The following TOM1L1 variants were observed in gnomAD, a reference collection of about 807,000 sequenced individuals.
TOM1L1 encodes TOM1-like protein 1.
TOM1L1 carries 64 observed loss-of-function variants against 63.4 expected under a neutral mutation model. That is an observed-to-expected ratio of 1.01 (90% CI 0.83 to 1.24). The LOEUF (loss-of-function observed/expected upper bound fraction) is 1.24, where lower values mean the gene tolerates loss of function less well. TOM1L1 is among the 50% of genes most tolerant of loss of function. The pLI, the probability that TOM1L1 is intolerant of heterozygous loss-of-function variation, is 0.00. For synonymous variants in TOM1L1, 166 were observed against 194.4 expected, an observed-to-expected ratio of 0.85 and a Z score of 1.22; for missense variants, 536 against 567.0, an observed-to-expected ratio of 0.95 and a Z score of 0.55.
intron 11 of TOM1L1, among the ~76,000 whole-genome samples, chr17:54,945,323 A>G (rs2049099788): frequency 6.6e-6 from 1 of 152,212 alleles, no homozygotes; most frequent in African/African-American, 2.4e-5. Context: ...TAACATTCAC[A>G]TATTCTGAGA....
In TOM1L1 at chr17:54,915,826, T is replaced by C; in HGVS notation, c.684T>C (p.Pro228=). Residue 228 remains proline (P), a synonymous_variant, in exon 7 of 16, where the codon CCT becomes CCC. Coordinates refer to ENST00000575882, the MANE Select transcript of TOM1L1 (RefSeq NM_005486.3). The stretch of plus-strand genomic sequence containing the variant: ...CCGCCATATTGATGGAGAATACTCC[T>C]GGGTCTGAAAACCATGAAGACATAG... ...VMSAILMENT[P]GSENHEDIEL... The C allele has an allele frequency of 6.2e-7, 1 of 1,613,974 alleles. No homozygotes were observed. Among genetic ancestry groups the C allele is most frequent in the Non-Finnish European group, 8.5e-7 (1 of 1,179,920 alleles).
rs372776781 is a variant in TOM1L1, at chr17:54,958,748, A to AAAAAAAAAAAAAAG, written c.1371-1818_1371-1817insAAAAAAAAAAAAAG. 3.7e-4 allele frequency among the ~76,000 whole-genome samples: 44 copies of AAAAAAAAAAAAAAG among 118,948 alleles called. 1 individual carries two copies. The highest frequency in any genetic ancestry group is 4.3e-3 in the Middle Eastern group (1 of 230). 78.0% of individuals were successfully genotyped at this position (118,948 alleles called of 152,430 possible). ...TCCATCTCAAAAAAAAAAAAAAAAAAGGGGTTGTTGGTAGCTAGAGGATAC... is the reference window on the plus strand; with the variant it reads ...TCCATCTCAAAAAAAAAAAAAAAAAAAAAAAAAAAAAAAGGGGGTTGTTGGTAGCTAGAGGATAC... On this transcript the variant is annotated intron_variant, in intron 14 of 15. Transcript: ENST00000575882.
chr17:54,949,563 C>A lies in TOM1L1; in HGVS notation c.1228C>A (p.Gln410Lys). The A allele has an allele frequency of 1.2e-6, 2 of 1,613,994 alleles. No individual in the cohort carries two copies. Among genetic ancestry groups the A allele is most frequent in the Non-Finnish European group, 1.7e-6 (2 of 1,179,930 alleles). Residue 410 changes from glutamine (Q) to lysine (K), a missense_variant, in exon 13 of 16, where the codon CAA becomes AAA. Coordinates refer to ENST00000575882, the MANE Select transcript of TOM1L1 (RefSeq NM_005486.3). ...AGTGTTTCTACAGCCAGTTAGTCTA[C>A]AAACCATTGCAGCAGCACCATCAAA... ...NSVFLQPVSL[Q>K]TIAAAPSNQS...
At chr17:54,911,314 C>T (rs1381498702) in intron 3 of TOM1L1, among the ~76,000 whole-genome samples, 4 of 152,062 alleles carry the variant, frequency 2.6e-5, no homozygotes, top group Admixed American at 6.6e-5. Flanking sequence ...TTCGTTGGCC[C>T]GTATAGTAGG....
At chr17:54,940,497 T>G (rs2049017900) in intron 11 of TOM1L1, among the ~76,000 whole-genome samples, 1 of 152,228 alleles carries the variant, frequency 6.6e-6, no homozygotes, top group Non-Finnish European at 1.5e-5. Flanking sequence ...ATACCACACT[T>G]ACACACAGTT....
chr17:54,937,311 TAAG>T, intron 10 of TOM1L1, 85 bp downstream of exon 10: 2 of 1,069,168 alleles, frequency 1.9e-6, no homozygotes, highest in Middle Eastern at 2.3e-4. Context: ...AAATACCACC[TAAG>T]AAGGACTGAA....
chr17:54,902,072 G>A (rs1233872165), intron 1 of TOM1L1, among the ~76,000 whole-genome samples: 1 of 152,152 alleles, frequency 6.6e-6, no homozygotes, highest in Admixed American at 6.5e-5. Flanking sequence ...GCCAAGGTGA[G>A]ACGTGGTCTC....
At chr17:54,947,340 T>C (rs2049137500) in intron 12 of TOM1L1, 28 bp downstream of exon 12, 1 of 1,609,320 alleles carries the variant, frequency 6.2e-7, no homozygotes, top group Non-Finnish European at 8.5e-7. Flanking sequence ...TTTCTAGCAG[T>C]GCATCTAGTC....
intron 14 of TOM1L1, among the ~76,000 whole-genome samples, chr17:54,959,776 CATG>C (rs2077065325): frequency 6.6e-6 from 1 of 152,018 alleles, no homozygotes; most frequent in Non-Finnish European, 1.5e-5. Flanking sequence ...TACCACCACA[CATG>C]ATAATTTTTA....
intron 3 of TOM1L1, among the ~76,000 whole-genome samples, chr17:54,906,604 G>A (rs1039411213): frequency 1.3e-5 from 2 of 152,124 alleles, no homozygotes; most frequent in African/African-American, 4.8e-5. Context: ...GGAATCCTGA[G>A]ATGCTCTCAG....
chr17:54,905,535 T>A lies in TOM1L1; in HGVS notation c.190T>A (p.Tyr64Asn). The change falls in exon 3 of 16, where the codon TAC becomes AAC. Residue 64 changes from tyrosine to asparagine, a missense_variant. Tyr to Asn is a moderately radical substitution (Grantham distance 143). Transcript: ENST00000575882. ...KALKKRISKN[Y>N]NHKEIQLTLS... Reference sequence around the variant, plus strand: ...TTTGAAGAAAAGGATTTCCAAAAACTACAATCATAAAGAAATCCAACTTAC... The same window carrying A: ...TTTGAAGAAAAGGATTTCCAAAAACAACAATCATAAAGAAATCCAACTTAC... 6.2e-7 allele frequency: 1 copy of A among 1,611,848 alleles called. No individual in the cohort carries two copies. The highest frequency in any genetic ancestry group is 8.5e-7 in the Non-Finnish European group (1 of 1,178,622).
intron 7 of TOM1L1, among the ~76,000 whole-genome samples, chr17:54,924,248 G>A (rs1308697332): frequency 1.3e-5 from 2 of 150,518 alleles, no homozygotes; most frequent in African/African-American, 4.9e-5. Context: ...GTCTTCAAAT[G>A]GCCAGCTTTT....
rs762171181 is a variant in TOM1L1, at chr17:54,915,814, G to A, written c.672G>A (p.Met224Ile). The A allele has an allele frequency of 6.2e-7, 1 of 1,613,760 alleles. No individual in the cohort carries two copies. The change falls in exon 7 of 16, where the codon ATG (methionine) becomes ATA (isoleucine). Residue 224 changes from methionine (M) to isoleucine (I), a missense_variant. By Grantham distance (10) the Met-to-Ile change is conservative (BLOSUM62 1). Transcript: ENST00000575882. Reference protein sequence around the residue: ...MNVRVMSAILMENTPGSENHE... With the variant: ...MNVRVMSAILIENTPGSENHE... ...TGCGAGTGATGTCCGCCATATTGAT[G>A]GAGAATACTCCTGGGTCTGAAAACC... is the stretch of plus-strand genomic sequence containing the variant.
In TOM1L1 at chr17:54,942,029, T is replaced by A. The variant is rs536467479; in HGVS notation, c.1130+3009T>A. Among the ~76,000 whole-genome samples the A allele has an allele frequency of 2.0e-5, 3 of 152,304 alleles. No homozygotes were observed. In the East Asian group the frequency reaches 5.8e-4, roughly 29 times the overall value. ...AATTTATTCACCATCACAGAAAAAGTGGGTGATGCAGTTTTTCATAACAGA... is the reference window on the plus strand; with the variant it reads ...AATTTATTCACCATCACAGAAAAAGAGGGTGATGCAGTTTTTCATAACAGA... On this transcript the variant is annotated intron_variant, in intron 11 of 15. Transcript: ENST00000575882.
In TOM1L1 at chr17:54,950,174, T is replaced by C. The variant is rs777093419; in HGVS notation, c.1370+48T>C. The stretch of plus-strand genomic sequence containing the variant: ...AATTTATTTTTTGTCTTGGTTCCCT[T>C]TGATAGCAGAGCTAACAGGGCTTGG... On this transcript the variant is annotated intron_variant, in intron 14 of 15. Coordinates refer to ENST00000575882, the MANE Select transcript of TOM1L1 (RefSeq NM_005486.3). The C allele has an allele frequency of 3.4e-6, 5 of 1,449,426 alleles. No individual in the cohort carries two copies. The South Asian group carries it at 4.7e-5, about 14-fold the overall frequency. The allele number at this position is 1,449,426 out of a possible 1,614,324, so 89.8% of individuals were successfully genotyped here.
chr17:54,955,205 G>A (rs2049435241), intron 14 of TOM1L1: 1 of 152,212 alleles, frequency 6.6e-6, no homozygotes, highest in South Asian at 2.1e-4. Flanking sequence ...GTCCTGGGAA[G>A]CTGAGAGGAT....
At chr17:54,941,918 T>C (rs1456627413) in intron 11 of TOM1L1, among the ~76,000 whole-genome samples, 2 of 152,210 alleles carry the variant, frequency 1.3e-5, no homozygotes, top group African/African-American at 4.8e-5. Context: ...TTAAATCATA[T>C]GCCTAAGATC....
intron 7 of TOM1L1, among the ~76,000 whole-genome samples, chr17:54,923,836 T>C (rs1567827807): frequency 1.3e-5 from 2 of 151,964 alleles, no homozygotes; most frequent in Admixed American, 6.6e-5. Flanking sequence ...TAAAAGGTAA[T>C]TAGCCAGGCA....
intron 8 of TOM1L1, among the ~76,000 whole-genome samples, chr17:54,934,413 G>A (rs566581886): frequency 9.2e-5 from 14 of 152,116 alleles, no homozygotes; most frequent in African/African-American, 3.4e-4. Flanking sequence ...ATTTCCCCTT[G>A]CCATGTAACC....
Sources: gnomAD v4.1 joint callset for allele counts (sites outside exome capture counted in the v4.1 genomes callset) on GRCh38, gnomAD v4.1.1 for gene constraint, MANE v1.5 for transcripts, NCBI Gene and HGNC (gene_info 2026-07-23, HGNC 2026-07-21) for gene names.